The following PPP1R12B variants were observed in gnomAD, a reference collection of about 807,000 sequenced individuals.
The protein encoded by PPP1R12B is myosin phosphatase target subunit 2.
PPP1R12B carries 76 observed loss-of-function variants against 126.1 expected under a neutral mutation model. That is an observed-to-expected ratio of 0.60 (90% CI 0.50 to 0.73). The LOEUF is 0.73. Among genes scored for constraint, PPP1R12B ranks in the 30% least tolerant of loss-of-function variants. The pLI, the probability that PPP1R12B is intolerant of heterozygous loss-of-function variation, is 0.00. For synonymous variants in PPP1R12B, 356 were observed against 434.7 expected (o/e 0.82, Z 2.25); for missense variants, 1,052 against 1,205.1 (o/e 0.87, Z 1.88).
chr1:202,431,662 G>A, intron 8 of PPP1R12B, 43 bp downstream of exon 8: 5 of 1,552,300 alleles, frequency 3.2e-6, no homozygotes, highest in Non-Finnish European at 4.3e-6. Flanking sequence ...TATCTCCATA[G>A]TGTAAGAAGA....
chr1:202,518,738 A>AT (rs1257313608), intron 18 of PPP1R12B, among the ~76,000 whole-genome samples: 2 of 151,926 alleles, frequency 1.3e-5, no homozygotes, highest in Admixed American at 6.6e-5. Context: ...TATTTGTGTA[A>AT]TTTTTCCCCC....
intron 23 of PPP1R12B, among the ~76,000 whole-genome samples, chr1:202,570,410 T>C (rs1688480457): frequency 6.6e-6 from 1 of 152,216 alleles, no homozygotes; most frequent in Admixed American, 6.5e-5. Context: ...GGAGAAATGC[T>C]GAGCCTTGCC....
At chr1:202,533,097 G>A (rs540054747) in intron 18 of PPP1R12B, among the ~76,000 whole-genome samples, 5 of 151,934 alleles carry the variant, frequency 3.3e-5, no homozygotes, top group African/African-American at 7.2e-5. Flanking sequence ...TTGAACTCCC[G>A]ACCTCAGGTG....
chr1:202,489,838 T>C (rs191292150), intron 14 of PPP1R12B, among the ~76,000 whole-genome samples: 1 of 152,354 alleles, frequency 6.6e-6, no homozygotes, highest in African/African-American at 2.4e-5. Flanking sequence ...GTTTATGATA[T>C]GAGGATTGTA....
chr1:202,504,254 G>T (rs181322142), intron 18 of PPP1R12B, among the ~76,000 whole-genome samples: 1 of 152,150 alleles, frequency 6.6e-6, no homozygotes, highest in East Asian at 1.9e-4. Context: ...TTAGCTGGGT[G>T]TGATGACGCC....
intron 18 of PPP1R12B, among the ~76,000 whole-genome samples, chr1:202,504,078 A>G (rs1680540146): frequency 6.6e-6 from 1 of 151,978 alleles, no homozygotes. Context: ...TCTTTGAATA[A>G]ATGTCACTTC....
At chr1:202,510,971 T>C (rs1681412917) in intron 18 of PPP1R12B, among the ~76,000 whole-genome samples, 2 of 146,354 alleles carry the variant, frequency 1.4e-5, no homozygotes, top group African/African-American at 2.5e-5. Context: ...TAATTTATAA[T>C]ACATATAAAT....
chr1:202,573,931 A>C (rs1282791542), intron 23 of PPP1R12B, among the ~76,000 whole-genome samples: 1 of 152,170 alleles, frequency 6.6e-6, no homozygotes, highest in Non-Finnish European at 1.5e-5. Flanking sequence ...AACTGCTTGA[A>C]CTGAGACAAA....
At chr1:202,362,214 A>G (rs1658346201) in intron 1 of PPP1R12B, among the ~76,000 whole-genome samples, 1 of 152,104 alleles carries the variant, frequency 6.6e-6, no homozygotes, top group African/African-American at 2.4e-5. Context: ...CTGTGGATGC[A>G]GCTTCACTGT....
chr1:202,488,473 C>A, intron 13 of PPP1R12B, 60 bp from the exon 14 acceptor site: 1 of 1,279,188 alleles, frequency 7.8e-7, no homozygotes. Context: ...AACACTTTGT[C>A]ATTCCTCAAG....
chr1:202,537,919 A>C (rs1337387519), intron 18 of PPP1R12B, among the ~76,000 whole-genome samples: 1 of 152,252 alleles, frequency 6.6e-6, no homozygotes, highest in Non-Finnish European at 1.5e-5. Flanking sequence ...GAGATTAGCT[A>C]TATAAGCTAT....
At chr1:202,524,993 C>T (rs1683166662) in intron 18 of PPP1R12B, among the ~76,000 whole-genome samples, 1 of 152,176 alleles carries the variant, frequency 6.6e-6, no homozygotes. Flanking sequence ...ATTCTCCTGC[C>T]TCAGCCTCCC....
At chr1:202,416,650 C>G in intron 1 of PPP1R12B, 137 bp from the exon 2 acceptor site, 2 of 705,216 alleles carry the variant, frequency 2.8e-6, no homozygotes, top group Non-Finnish European at 4.5e-6. Flanking sequence ...AAGTCATGCT[C>G]TGGACACAGT....
In PPP1R12B at chr1:202,434,447, G is replaced by A. The variant is rs980012256; in HGVS notation, c.1142-209G>A. Among the ~76,000 whole-genome samples, 4 of 152,322 alleles carry A rather than the reference G, an allele frequency of 2.6e-5. No individual in the cohort carries two copies. In the East Asian group the frequency reaches 7.7e-4, roughly 29 times the overall value. ...TTTTTATCTGAAAGTTGGAGTTGGA[G>A]CCTACCAAGATGGGAATAACATTGA... On this transcript the variant is annotated intron_variant, in intron 8 of 23. Transcript: ENST00000608999.
At chr1:202,440,615 A>G in intron 10 of PPP1R12B, 91 bp from the exon 11 acceptor site, 2 of 841,406 alleles carry the variant, frequency 2.4e-6, no homozygotes, top group Non-Finnish European at 1.9e-6. Context: ...AAGATGATAT[A>G]GGTATATTAA....
intron 18 of PPP1R12B, among the ~76,000 whole-genome samples, chr1:202,516,875 A>G: frequency 6.6e-6 from 1 of 152,156 alleles, no homozygotes; most frequent in East Asian, 1.9e-4. Flanking sequence ...TCCACATGTT[A>G]TGCTAACAGT....
intron 1 of PPP1R12B, among the ~76,000 whole-genome samples, chr1:202,378,895 C>T (rs190969482): frequency 6.6e-6 from 1 of 152,208 alleles, no homozygotes; most frequent in African/African-American, 2.4e-5. Context: ...CCCCTCAGAT[C>T]CTCTTCTTAC....
chr1:202,531,042 A>G (rs937562435), intron 18 of PPP1R12B, among the ~76,000 whole-genome samples: 1 of 152,206 alleles, frequency 6.6e-6, no homozygotes, highest in Non-Finnish European at 1.5e-5. Context: ...AGTTATCATT[A>G]TTGATCTTCT....
At chr1:202,447,873 T>C (rs1672471648) in intron 12 of PPP1R12B, among the ~76,000 whole-genome samples, 1 of 152,182 alleles carries the variant, frequency 6.6e-6, no homozygotes, top group African/African-American at 2.4e-5. Context: ...TTTTCTTTTT[T>C]TGTTAAAAAA....
Sources: gnomAD v4.1 joint callset for allele counts (sites outside exome capture counted in the v4.1 genomes callset) on GRCh38, gnomAD v4.1.1 for gene constraint, MANE v1.5 for transcripts, NCBI Gene and HGNC (gene_info 2026-07-23, HGNC 2026-07-21) for gene names.